Variants in RPS6KC1 observed in about 807,000 individuals in gnomAD.
RPS6KC1 encodes ribosomal protein S6 kinase C1, also known as inactive ribosomal protein S6 kinase delta-1.
RPS6KC1 carries 54 observed loss-of-function variants against 103.8 expected under a neutral mutation model. The ratio of observed to expected loss-of-function variants is 0.52; its 90% CI spans 0.42 to 0.65. The LOEUF (loss-of-function observed/expected upper bound fraction) is 0.65, where lower values mean the gene tolerates loss of function less well. RPS6KC1 is among the 30% of genes least tolerant of loss of function. RPS6KC1 has a pLI of 0.00. For missense variants in RPS6KC1, 1,151 were observed against 1,253.8 expected, an observed-to-expected ratio of 0.92 and a Z score of 1.24; for synonymous variants, 439 against 438.7, an observed-to-expected ratio of 1.00 and a Z score of -0.01.
intron 8 of RPS6KC1, among the ~76,000 whole-genome samples, chr1:213,210,002 C>T (rs771264835): frequency 1.5e-4 from 23 of 152,128 alleles, no homozygotes; most frequent in East Asian, 5.8e-4. Flanking sequence ...GCGGTGAGGA[C>T]GACCAGAGTT....
intron 10 of RPS6KC1, among the ~76,000 whole-genome samples, chr1:213,236,515 G>A (rs1461332366): frequency 6.6e-6 from 1 of 152,116 alleles, no homozygotes; most frequent in East Asian, 1.9e-4. Flanking sequence ...CAGGATTTTA[G>A]GAGAGAGGTT....
chr1:213,602,190 TTCCC>T, the RPS6KC1 span, among the ~76,000 whole-genome samples: 194 of 60,588 alleles, frequency 3.2e-3, 8 homozygotes, highest in African/African-American at 0.012. Flanking sequence ...TTCTTTCTTT[TTCCC>T]TCCCTCCCTC....
intron 6 of RPS6KC1, among the ~76,000 whole-genome samples, chr1:213,157,600 C>G (rs1002777821): frequency 3.3e-5 from 5 of 152,116 alleles, no homozygotes; most frequent in Admixed American, 6.5e-5. Flanking sequence ...GTTTTGTGGC[C>G]AAGTACGTGG....
intron 6 of RPS6KC1, among the ~76,000 whole-genome samples, chr1:213,167,465 C>CAA (rs2091073558): frequency 7.1e-6 from 1 of 140,964 alleles, no homozygotes; most frequent in Non-Finnish European, 1.6e-5. Flanking sequence ...CACACACACA[C>CAA]ACACACACAC....
chr1:213,381,097 G>A, the RPS6KC1 span, among the ~76,000 whole-genome samples: 1 of 152,232 alleles, frequency 6.6e-6, no homozygotes, highest in East Asian at 1.9e-4. Context: ...ACTGGGCAGA[G>A]AGATACCTGG....
At chr1:213,853,921 T>G in the RPS6KC1 span, among the ~76,000 whole-genome samples, 1 of 152,174 alleles carries the variant, frequency 6.6e-6, no homozygotes, top group African/African-American at 2.4e-5. Context: ...ATAACCCTGG[T>G]TTGTTCAAAT....
chr1:213,643,758 T>C, the RPS6KC1 span, among the ~76,000 whole-genome samples: 2 of 152,038 alleles, frequency 1.3e-5, no homozygotes, highest in African/African-American at 4.8e-5. Flanking sequence ...GTAAGTATGA[T>C]GCTTGCTATA....
chr1:213,610,223 T>C, the RPS6KC1 span, among the ~76,000 whole-genome samples: 735 of 152,310 alleles, frequency 4.8e-3, 6 homozygotes, highest in African/African-American at 0.017. Flanking sequence ...TTCTATTTCA[T>C]GCACCAGCTC....
At chr1:213,231,344 TAATGCAATTTATAACTA>T (rs1441266375) in intron 9 of RPS6KC1, among the ~76,000 whole-genome samples, 1 of 152,174 alleles carries the variant, frequency 6.6e-6, no homozygotes, top group East Asian at 1.9e-4. Flanking sequence ...ATTCTATACA[TAATGCAATTTATAACTA>T]AATGAATAAG....
intron 8 of RPS6KC1, among the ~76,000 whole-genome samples, chr1:213,220,162 A>G (rs2093792471): frequency 8.9e-6 from 1 of 112,248 alleles, no homozygotes; most frequent in Non-Finnish European, 2.4e-5. Context: ...ATCAGGTTTA[A>G]ATGTAGGGTA....
chr1:213,232,019 A>G, intron 9 of RPS6KC1, 104 bp from the exon 10 acceptor site: 1 of 1,419,402 alleles, frequency 7.0e-7, no homozygotes, highest in Non-Finnish European at 9.7e-7. Flanking sequence ...AGCCCAGAGT[A>G]ACTCGGATAG....
At chr1:213,254,190 G>T (rs1007059178) in intron 12 of RPS6KC1, among the ~76,000 whole-genome samples, 1 of 152,112 alleles carries the variant, frequency 6.6e-6, no homozygotes. Context: ...GTATTAATCA[G>T]TAAGAGTCTA....
the RPS6KC1 span, among the ~76,000 whole-genome samples, chr1:213,672,408 G>GA: frequency 0.05 from 7,645 of 152,134 alleles, 553 homozygotes; most frequent in African/African-American, 0.16. Context: ...AACTTCTCTT[G>GA]AAAAAATCAC....
chr1:213,570,713 C>T, the RPS6KC1 span, among the ~76,000 whole-genome samples: 1 of 152,120 alleles, frequency 6.6e-6, no homozygotes, highest in South Asian at 2.1e-4. Context: ...ATGTATTGAC[C>T]CAGGTCAAAT....
chr1:213,138,087 T>C (rs2086590896), intron 6 of RPS6KC1, among the ~76,000 whole-genome samples: 1 of 152,026 alleles, frequency 6.6e-6, no homozygotes, highest in Non-Finnish European at 1.5e-5. Context: ...GTGGCCATTG[T>C]TGTCCTCTAG....
At chr1:213,575,722 T>C in the RPS6KC1 span, among the ~76,000 whole-genome samples, 38,726 of 151,988 alleles carry the variant, frequency 0.25, 6,973 homozygotes, top group African/African-American at 0.51. Flanking sequence ...AACAGAGTCA[T>C]ACACCGGGAA....
the RPS6KC1 span, among the ~76,000 whole-genome samples, chr1:213,425,116 A>G: frequency 6.6e-6 from 1 of 152,138 alleles, no homozygotes; most frequent in African/African-American, 2.4e-5. Flanking sequence ...CTCACCCATT[A>G]CCTACACAAT....
chr1:213,407,192 G>A, the RPS6KC1 span, among the ~76,000 whole-genome samples: 2 of 150,336 alleles, frequency 1.3e-5, no homozygotes, highest in Non-Finnish European at 2.9e-5. Context: ...GATATAGAGT[G>A]TATGTGTAAT....
the RPS6KC1 span, among the ~76,000 whole-genome samples, chr1:213,703,867 T>C: frequency 6.6e-6 from 1 of 152,196 alleles, no homozygotes; most frequent in African/African-American, 2.4e-5. Flanking sequence ...GATATCTTTC[T>C]CTAGGTTCTA....
Sources: gnomAD v4.1 joint callset for allele counts (sites outside exome capture counted in the v4.1 genomes callset) on GRCh38, gnomAD v4.1.1 for gene constraint, MANE v1.5 for transcripts, NCBI Gene and HGNC (gene_info 2026-07-23, HGNC 2026-07-21) for gene names.